The following KPNA3 variants were observed in gnomAD, a reference collection of about 807,000 sequenced individuals.
KPNA3 encodes importin subunit alpha-4.
In KPNA3, 13 loss-of-function variants were observed where a neutral mutation model predicts 73.8. The ratio of observed to expected loss-of-function variants is 0.18; its 90% CI spans 0.11 to 0.28. The LOEUF is 0.28. Ranked by LOEUF, KPNA3 falls within the 10% of genes least tolerant of loss-of-function variation. The pLI, the probability that KPNA3 is intolerant of heterozygous loss-of-function variation, is 1.00. For synonymous variants in KPNA3, 186 were observed against 206.9 expected (o/e 0.90, Z 0.87); for missense variants, 360 against 618.1 (o/e 0.58, Z 4.43).
At chr13:49,778,191 T>C (rs1021940686) in intron 1 of KPNA3, among the ~76,000 whole-genome samples, 6 of 152,250 alleles carry the variant, frequency 3.9e-5, no homozygotes, top group Non-Finnish European at 8.8e-5. Context: ...TCTCCTTACA[T>C]ATTTGAAGTT....
chr13:49,767,245 C>T (rs1410120006), intron 1 of KPNA3, among the ~76,000 whole-genome samples: 1 of 151,420 alleles, frequency 6.6e-6, no homozygotes, highest in African/African-American at 2.4e-5. Flanking sequence ...GGTGAAACCC[C>T]GTCTCTACTA....
intron 1 of KPNA3, among the ~76,000 whole-genome samples, chr13:49,756,959 T>C (rs966533065): frequency 3.3e-5 from 5 of 152,148 alleles, no homozygotes; most frequent in South Asian, 2.1e-4. Context: ...AGGACATCAA[T>C]AGACTTTTCA....
chr13:49,736,647 T>G (rs1954523662), intron 2 of KPNA3, among the ~76,000 whole-genome samples: 4 of 152,206 alleles, frequency 2.6e-5, no homozygotes, highest in Admixed American at 2.0e-4. Flanking sequence ...CTGACATTGA[T>G]ACAATCCACT....
chr13:49,706,073 GAC>G (rs1292820316), intron 14 of KPNA3, 23 bp downstream of exon 14: 2 of 1,595,494 alleles, frequency 1.3e-6, no homozygotes, highest in Non-Finnish European at 8.6e-7. Flanking sequence ...TAACAATCAT[GAC>G]AGTTACAGGT....
intron 1 of KPNA3, among the ~76,000 whole-genome samples, chr13:49,785,144 G>C (rs1044855368): frequency 6.6e-6 from 1 of 152,126 alleles, no homozygotes. Context: ...AGGGCTTAAG[G>C]GGGTGGGGGA....
chr13:49,749,748 C>T (rs1202837892), intron 1 of KPNA3, among the ~76,000 whole-genome samples: 5 of 152,072 alleles, frequency 3.3e-5, no homozygotes, highest in Non-Finnish European at 5.9e-5. Flanking sequence ...ACTTCAAAGG[C>T]GAAAGTATCT....
chr13:49,735,413 C>T (rs887660798), intron 2 of KPNA3, among the ~76,000 whole-genome samples: 10 of 152,094 alleles, frequency 6.6e-5, no homozygotes, highest in Non-Finnish European at 1.3e-4. Context: ...TGAGCCACCG[C>T]GCCCGCCCCA....
intron 1 of KPNA3, among the ~76,000 whole-genome samples, chr13:49,777,180 A>G (rs1313274667): frequency 6.6e-6 from 1 of 152,152 alleles, no homozygotes; most frequent in East Asian, 1.9e-4. Context: ...TCAGCTTTCT[A>G]CCTTTCAGTC....
chr13:49,750,854 T>C (rs575007775), intron 1 of KPNA3, among the ~76,000 whole-genome samples: 34 of 151,932 alleles, frequency 2.2e-4, no homozygotes, highest in African/African-American at 7.0e-4. Flanking sequence ...TAGCTGGGCA[T>C]GGTGGCGCAC....
At chr13:49,741,018 A>C (rs1954568942) in intron 2 of KPNA3, among the ~76,000 whole-genome samples, 1 of 152,188 alleles carries the variant, frequency 6.6e-6, no homozygotes, top group Non-Finnish European at 1.5e-5. Flanking sequence ...CTATGTATAC[A>C]TACCACATTT....
intron 1 of KPNA3, among the ~76,000 whole-genome samples, chr13:49,764,233 T>C (rs1954792175): frequency 6.6e-6 from 1 of 152,162 alleles, no homozygotes; most frequent in Non-Finnish European, 1.5e-5. Context: ...TTCTATCCTG[T>C]TGCCCTGGTG....
chr13:49,702,530 C>A, intron 15 of KPNA3, 50 bp from the exon 16 acceptor site: 1 of 935,934 alleles, frequency 1.1e-6, no homozygotes, highest in Non-Finnish European at 1.7e-6. Context: ...TAAGGAGATA[C>A]TAATCAAAAC....
At chr13:49,704,433 AAAAATAAAT>A (rs1954183575) in intron 15 of KPNA3, among the ~76,000 whole-genome samples, 1 of 67,868 alleles carries the variant, frequency 1.5e-5, no homozygotes, top group African/African-American at 5.4e-5. Context: ...TAAATAAATA[AAAAATAAAT>A]AAATAAATAA....
At chr13:49,743,002 G>C (rs1954586863) in intron 2 of KPNA3, among the ~76,000 whole-genome samples, 1 of 120,764 alleles carries the variant, frequency 8.3e-6, no homozygotes, top group Admixed American at 7.7e-5. Context: ...GGCATTTTGA[G>C]ATGGGCTAAG....
At position 49,792,550 on chromosome 13, in the gene KPNA3, G is replaced by GGCGGCTACTCCTGCGGCTGCGGCA; in HGVS notation, c.-45_-44insTGCCGCAGCCGCAGGAGTAGCCGC. 1 of 1,386,642 alleles carries GGCGGCTACTCCTGCGGCTGCGGCA rather than the reference G, an allele frequency of 7.2e-7. No homozygotes were observed. The allele number at this position is 1,386,642 out of a possible 1,614,324, so 85.9% of individuals were successfully genotyped here. On this transcript the variant is annotated 5_prime_UTR_variant, in exon 1 of 17. Transcript: ENST00000261667. ...CGGCGGCTACTCCTGCGGCTGCGGC[G>GGCGGCTACTCCTGCGGCTGCGGCA]GCGGCGGCGGCGAATCTTGGAGCGG...
intron 1 of KPNA3, among the ~76,000 whole-genome samples, chr13:49,748,245 C>A (rs1009451618): frequency 6.6e-6 from 1 of 152,134 alleles, no homozygotes; most frequent in East Asian, 1.9e-4. Context: ...AAAGTAAATT[C>A]ATTGCCATGG....
intron 2 of KPNA3, among the ~76,000 whole-genome samples, chr13:49,737,328 G>A (rs1396069881): frequency 6.6e-6 from 1 of 152,168 alleles, no homozygotes; most frequent in Admixed American, 6.6e-5. Flanking sequence ...TAACATGAGT[G>A]ATCAGTTTCT....
intron 1 of KPNA3, among the ~76,000 whole-genome samples, chr13:49,781,073 C>A (rs1037353977): frequency 1.3e-5 from 2 of 152,082 alleles, no homozygotes; most frequent in African/African-American, 4.8e-5. Flanking sequence ...TCTCTTACTT[C>A]CAGGCTTGCC....
chr13:49,714,950 G>C (rs546039830), intron 10 of KPNA3, among the ~76,000 whole-genome samples: 72 of 152,098 alleles, frequency 4.7e-4, no homozygotes, highest in African/African-American at 1.7e-3. Flanking sequence ...ATGATCAAGT[G>C]AGATGATTCA....
Sources: gnomAD v4.1 joint callset for allele counts (sites outside exome capture counted in the v4.1 genomes callset) on GRCh38, gnomAD v4.1.1 for gene constraint, MANE v1.5 for transcripts, NCBI Gene and HGNC (gene_info 2026-07-23, HGNC 2026-07-21) for gene names.